ARHGEF18: variants seen among roughly 807,000 people sequenced by gnomAD.
ARHGEF18 encodes rho guanine nucleotide exchange factor 18.
In ARHGEF18, 93 loss-of-function variants were observed where a neutral mutation model predicts 155.7. The observed-to-expected ratio is 0.60, with a 90% CI of 0.50 to 0.71. The LOEUF is 0.71. ARHGEF18 is among the 30% of genes least tolerant of loss of function. The pLI, the probability that ARHGEF18 is intolerant of heterozygous loss-of-function variation, is 0.00. For synonymous variants in ARHGEF18, 742 were observed against 753.1 expected, an observed-to-expected ratio of 0.99 and a Z score of 0.24; for missense variants, 1,593 against 1,816.1, an observed-to-expected ratio of 0.88 and a Z score of 2.23.
intron 23 of ARHGEF18, among the ~76,000 whole-genome samples, chr19:7,466,504 CAA>C (rs34455146): frequency 4.8e-4 from 59 of 122,104 alleles, no homozygotes; most frequent in Admixed American, 5.9e-4. Context: ...GGCCCTGTCT[CAA>C]AAAAAAAAAA....
chr19:7,459,727 G>A (rs924068344), intron 19 of ARHGEF18, among the ~76,000 whole-genome samples, 176 bp from the exon 20 acceptor site: 5 of 152,228 alleles, frequency 3.3e-5, no homozygotes, highest in African/African-American at 7.2e-5. Flanking sequence ...GCTTTGGGGC[G>A]GGATGAATGT....
intron 15 of ARHGEF18, among the ~76,000 whole-genome samples, chr19:7,447,804 G>A (rs1424354234): frequency 5.3e-5 from 8 of 151,876 alleles, no homozygotes; most frequent in Non-Finnish European, 1.0e-4. Flanking sequence ...GACCAGCCTG[G>A]GCAACATAGC....
Position 7,440,064 on chromosome 19 carries a change from C to T in ARHGEF18, c.968-280C>T. On this transcript the variant is annotated intron_variant, in intron 10 of 28. Coordinates refer to ENST00000668164, the MANE Select transcript of ARHGEF18 (RefSeq NM_001367823.1). This position sits in a 1 kb window ranked among gnomAD's most constrained non-coding sequence, Gnocchi z 5.4. ...GAGGCATAAAAACGGCGCAGCCCAGCCTGGCGCCGCGCCGGGTCCCGGAGC... is the reference window on the plus strand; with the variant it reads ...GAGGCATAAAAACGGCGCAGCCCAGTCTGGCGCCGCGCCGGGTCCCGGAGC... 1 of 1,550,578 alleles carries T rather than the reference C, an allele frequency of 6.4e-7. No individual in the cohort carries two copies. The highest frequency in any genetic ancestry group is 2.4e-5 in the East Asian group (1 of 40,902).
At chr19:7,376,494 G>T in intron 4 of ARHGEF18, 149 bp from the exon 5 acceptor site, 1 of 419,086 alleles carries the variant, frequency 2.4e-6, no homozygotes. Flanking sequence ...TATGGCTGGG[G>T]GGAGTGGCTG....
chr19:7,363,260 C>A (rs6603110), intron 2 of ARHGEF18, among the ~76,000 whole-genome samples: 3 of 151,872 alleles, frequency 2.0e-5, no homozygotes, highest in African/African-American at 7.3e-5. Context: ...AGAAGGGTGG[C>A]TGGGTGGATG....
At chr19:7,456,467 A>G in intron 18 of ARHGEF18, 64 bp downstream of exon 18, 1 of 1,510,064 alleles carries the variant, frequency 6.6e-7, no homozygotes, top group Non-Finnish European at 9.2e-7. Context: ...CTATAATCCC[A>G]GCACTTTGGG....
chr19:7,370,900 C>CTTTTTT (rs111574229), intron 2 of ARHGEF18, among the ~76,000 whole-genome samples: 1 of 145,588 alleles, frequency 6.9e-6, no homozygotes, highest in African/African-American at 2.6e-5. Flanking sequence ...CCACACCCCG[C>CTTTTTT]TTTTTTTTTT....
intron 2 of ARHGEF18, among the ~76,000 whole-genome samples, chr19:7,369,923 G>A (rs887630288): frequency 2.0e-4 from 31 of 151,944 alleles, no homozygotes; most frequent in African/African-American, 6.8e-4. Flanking sequence ...TAGTTTGGGC[G>A]CAGCGGCTCA....
intron 10 of ARHGEF18, among the ~76,000 whole-genome samples, chr19:7,415,115 C>CA (rs1972925292): frequency 6.6e-6 from 1 of 152,178 alleles, no homozygotes; most frequent in African/African-American, 2.4e-5. Flanking sequence ...ATTCTGCTCC[C>CA]AAGACCGCTT....
At chr19:7,406,120 A>G (rs1972292688) in intron 10 of ARHGEF18, among the ~76,000 whole-genome samples, 1 of 151,700 alleles carries the variant, frequency 6.6e-6, no homozygotes, top group African/African-American at 2.4e-5. Flanking sequence ...TCGCTCTGTC[A>G]CCTAGGCTGG....
intron 23 of ARHGEF18, 103 bp downstream of exon 23, chr19:7,464,793 C>G (rs757318579): frequency 1.4e-6 from 2 of 1,437,284 alleles, no homozygotes; most frequent in Admixed American, 2.1e-5. Flanking sequence ...TTATTAGCAT[C>G]GACAAGCATT....
chr19:7,451,466 T>C (rs1395830468), intron 16 of ARHGEF18, among the ~76,000 whole-genome samples, 200 bp downstream of exon 16: 1 of 149,974 alleles, frequency 6.7e-6, no homozygotes, highest in Non-Finnish European at 1.5e-5. Context: ...TGGAGTGTAG[T>C]GGTGAAATCA....
intron 10 of ARHGEF18, among the ~76,000 whole-genome samples, chr19:7,404,788 G>T (rs909288376): frequency 1.3e-5 from 2 of 152,096 alleles, no homozygotes; most frequent in Admixed American, 6.6e-5. Flanking sequence ...GGTTGGGCCT[G>T]AAGACAGGGG....
chr19:7,407,942 A>C (rs1184484041), intron 10 of ARHGEF18, among the ~76,000 whole-genome samples: 5 of 142,462 alleles, frequency 3.5e-5, no homozygotes, highest in Non-Finnish European at 7.5e-5. Context: ...AGCCTGGGCA[A>C]CAGAGCGAGA....
In ARHGEF18 at chr19:7,442,064, A is replaced by G; in HGVS notation, c.1360+12A>G. ...AGATGTCCTTTATGGTGAGGAGTCCACAGCCCTGTGCCATCACACCGGCCC... is the reference window on the plus strand; with the variant it reads ...AGATGTCCTTTATGGTGAGGAGTCCGCAGCCCTGTGCCATCACACCGGCCC... On this transcript the variant is annotated intron_variant, in intron 13 of 28. Transcript: ENST00000668164. 1 of 1,613,898 alleles carries G rather than the reference A, an allele frequency of 6.2e-7. No homozygotes were observed. Among genetic ancestry groups the G allele is most frequent in the Non-Finnish European group, 8.5e-7 (1 of 1,179,976 alleles).
At chr19:7,438,009 C>T in intron 10 of ARHGEF18, among the ~76,000 whole-genome samples, 1 of 125,016 alleles carries the variant, frequency 8.0e-6, no homozygotes, top group Non-Finnish European at 1.7e-5. Context: ...CCCTCCCCTC[C>T]CCTCCCCTCC....
chr19:7,473,540 A>G (rs139684920), downstream of ARHGEF18, among the ~76,000 whole-genome samples: 65 of 152,162 alleles, frequency 4.3e-4, no homozygotes, highest in African/African-American at 1.2e-3. Context: ...GGCCGGGCGC[A>G]GTGGCTCACG....
chr19:7,408,184 AG>A (rs1291006596), intron 10 of ARHGEF18, among the ~76,000 whole-genome samples: 1 of 152,054 alleles, frequency 6.6e-6, no homozygotes, highest in African/African-American at 2.4e-5. Flanking sequence ...GGGGTGAGAC[AG>A]GAGAATTGCT....
chr19:7,363,815 G>C (rs1170370503), intron 2 of ARHGEF18, among the ~76,000 whole-genome samples: 3 of 151,496 alleles, frequency 2.0e-5, no homozygotes, highest in African/African-American at 7.3e-5. Flanking sequence ...ATGGATAATG[G>C]GTGGGTGAAT....
Sources: gnomAD v4.1 joint callset for allele counts (sites outside exome capture counted in the v4.1 genomes callset) on GRCh38, gnomAD v4.1.1 for gene constraint, Gnocchi (gnomAD v3.1) non-coding constraint, MANE v1.5 for transcripts, NCBI Gene and HGNC (gene_info 2026-07-23, HGNC 2026-07-21) for gene names.